The following RPTOR variants were observed in gnomAD, a reference collection of about 807,000 sequenced individuals.
RPTOR encodes the protein regulatory-associated protein of mTOR.
Under a neutral mutation model 169.9 loss-of-function variants are expected in RPTOR, and 21 were observed. The observed-to-expected ratio is 0.12, with a 90% confidence interval of 0.09 to 0.18. RPTOR has a LOEUF of 0.18. Ranked by LOEUF, RPTOR falls within the 10% of genes least tolerant of loss-of-function variation. RPTOR has a pLI of 1.00. For synonymous variants in RPTOR, 732 were observed against 753.2 expected (o/e 0.97, Z 0.46); for missense variants, 1,133 against 1,855.9 (o/e 0.61, Z 7.16).
Position 80,820,683 on chromosome 17 carries a change from A to T in RPTOR, c.891-1518A>T, listed in dbSNP as rs577615893. On this transcript the variant is annotated intron_variant, in intron 7 of 33. Coordinates refer to ENST00000306801, the MANE Select transcript of RPTOR (RefSeq NM_020761.3). The surrounding 1 kb of genome is among the most constrained non-coding windows in gnomAD (Gnocchi z 4.1). ...GCCATTCCTCCTGCGCACAGTGGAC[A>T]TGCTTGTTCTGAAGCGAGAGCAGAC... Among the ~76,000 whole-genome samples the T allele has an allele frequency of 1.3e-5, 2 of 152,172 alleles. No homozygotes were observed. Among genetic ancestry groups the T allele is most frequent in the East Asian group, 3.8e-4 (2 of 5,196 alleles).
Position 80,945,740 on chromosome 17 carries a change from C to T in RPTOR, c.3099C>T (p.Pro1033=), listed in dbSNP as rs768458602. The T allele has an allele frequency of 6.2e-7, 1 of 1,612,042 alleles. No homozygotes were observed. The highest frequency in any genetic ancestry group is 1.1e-5 in the South Asian group (1 of 90,764). ...PGVPSVVKFH[P]FTPCIAVADK... Reference sequence around the variant, plus strand: ...TCCCCTCTGTGGTGAAATTCCACCCCTTCACGCCGTGCATCGCCGTAGCCG... The same window carrying T: ...TCCCCTCTGTGGTGAAATTCCACCCTTTCACGCCGTGCATCGCCGTAGCCG... Residue 1033 remains proline (P), a synonymous_variant, in exon 26 of 34, where the codon CCC becomes CCT. Coordinates refer to ENST00000306801, the MANE Select transcript of RPTOR (RefSeq NM_020761.3).
At chr17:80,900,197 G>A (rs904305045) in intron 20 of RPTOR, among the ~76,000 whole-genome samples, 1 of 152,128 alleles carries the variant, frequency 6.6e-6, no homozygotes, top group South Asian at 2.1e-4. Context: ...TCTCTCAGCC[G>A]GGCATCTGTG....
At chr17:80,889,146 G>A (rs760165745) in intron 17 of RPTOR, among the ~76,000 whole-genome samples, 57 of 152,370 alleles carry the variant, frequency 3.7e-4, no homozygotes, top group Admixed American at 7.2e-4. Context: ...CTTTGAATGC[G>A]GAGCTCACAG....
intron 1 of RPTOR, among the ~76,000 whole-genome samples, chr17:80,550,476 T>A (rs1331557171): frequency 6.6e-6 from 1 of 152,154 alleles, no homozygotes; most frequent in Non-Finnish European, 1.5e-5. Flanking sequence ...GCAGATCTCA[T>A]CGGGGCCCAT....
At chr17:80,841,458 C>T (rs2067655605) in intron 10 of RPTOR, among the ~76,000 whole-genome samples, 1 of 130,082 alleles carries the variant, frequency 7.7e-6, no homozygotes, top group Non-Finnish European at 1.6e-5. Flanking sequence ...AGCTCACTCT[C>T]ACCACACGGC....
rs576302779 is a variant in RPTOR at position 80,736,451 on chromosome 17, T to C, written c.654+5745T>C. ...CTTAACCGCCCCCCGCCCCTACCAA[T>C]GTGAAAACCTATACTTAAACTGATA... On this transcript the variant is annotated intron_variant, in intron 5 of 33. Transcript: ENST00000306801. Among the ~76,000 whole-genome samples the C allele has an allele frequency of 1.7e-4, 26 of 152,206 alleles. No homozygotes were observed. In the South Asian group the frequency reaches 5.2e-3, roughly 30 times the overall value.
At chr17:80,863,585 C>G (rs1165093559) in intron 13 of RPTOR, among the ~76,000 whole-genome samples, 1 of 152,182 alleles carries the variant, frequency 6.6e-6, no homozygotes, top group Non-Finnish European at 1.5e-5. Flanking sequence ...AAGAAATATA[C>G]TTGATGGGAT....
intron 29 of RPTOR, among the ~76,000 whole-genome samples, chr17:80,958,235 C>A (rs554327541): frequency 7.7e-4 from 108 of 140,604 alleles, no homozygotes; most frequent in African/African-American, 2.8e-3. Context: ...GGACTACAGG[C>A]ATGCACCCAC....
rs944187768 is a variant in RPTOR, at chr17:80,730,199, C to T, written c.508-361C>T. 1.3e-5 allele frequency among the ~76,000 whole-genome samples: 2 copies of T among 152,080 alleles called. No homozygotes were observed. Among genetic ancestry groups the T allele is most frequent in the South Asian group, 4.2e-4 (2 of 4,818 alleles). On this transcript the variant is annotated intron_variant, in intron 4 of 33. Coordinates refer to ENST00000306801, the MANE Select transcript of RPTOR (RefSeq NM_020761.3). The surrounding 1 kb of genome is among the most constrained non-coding windows in gnomAD (Gnocchi z 4.2). ...TTGGCTCACTGTAACCTTCGCCTCC[C>T]GGGTTCAGGTGATTCTCCTGCCTCA...
At chr17:80,908,254 T>C (rs1456680153) in intron 20 of RPTOR, among the ~76,000 whole-genome samples, 2 of 152,178 alleles carry the variant, frequency 1.3e-5, no homozygotes, top group Non-Finnish European at 2.9e-5. Flanking sequence ...GTTGGGTGAG[T>C]CGGGAGAGGC....
At chr17:80,872,109 G>T (rs149241635) in intron 13 of RPTOR, among the ~76,000 whole-genome samples, 2 of 152,330 alleles carry the variant, frequency 1.3e-5, no homozygotes, top group East Asian at 3.9e-4. Context: ...CATTGCTAGG[G>T]AGCACGTTTG....
At chr17:80,905,785 C>T (rs2068534706) in intron 20 of RPTOR, among the ~76,000 whole-genome samples, 1 of 152,206 alleles carries the variant, frequency 6.6e-6, no homozygotes, top group African/African-American at 2.4e-5. Flanking sequence ...CTGCACCCTC[C>T]TCGCAGTCTG....
At chr17:80,940,739 C>T in intron 25 of RPTOR, 138 bp downstream of exon 25, 2 of 638,122 alleles carry the variant, frequency 3.1e-6, no homozygotes, top group East Asian at 2.8e-5. Flanking sequence ...ACCCGCCCCG[C>T]ACCCCACCTC....
chr17:80,723,663 T>C (rs918820963), intron 4 of RPTOR, among the ~76,000 whole-genome samples: 20 of 151,376 alleles, frequency 1.3e-4, no homozygotes. Flanking sequence ...TGCTCGTTAC[T>C]ACTGGAGCAT....
At chr17:80,624,147 G>C (rs572820519) in intron 1 of RPTOR, among the ~76,000 whole-genome samples, 1 of 152,052 alleles carries the variant, frequency 6.6e-6, no homozygotes, top group Non-Finnish European at 1.5e-5. Context: ...AACTGTCATC[G>C]CTCCACTGAT....
At chr17:80,590,564 TGCG>T (rs1568322856) in intron 1 of RPTOR, among the ~76,000 whole-genome samples, 4 of 145,316 alleles carry the variant, frequency 2.8e-5, no homozygotes, top group Admixed American at 6.8e-5. Flanking sequence ...TATGCGCACA[TGCG>T]TGCACACAGT....
intron 3 of RPTOR, among the ~76,000 whole-genome samples, chr17:80,644,356 T>C (rs1039647303): frequency 2.0e-5 from 3 of 151,928 alleles, no homozygotes; most frequent in Non-Finnish European, 4.4e-5. Context: ...TTTGTTTGTT[T>C]GTTTAAAGAA....
chr17:80,588,453 G>A (rs181211511), intron 1 of RPTOR, among the ~76,000 whole-genome samples: 52 of 152,244 alleles, frequency 3.4e-4, no homozygotes, highest in African/African-American at 1.1e-3. Context: ...GAGCCACCAC[G>A]TCTGGCCTAT....
rs556500446 is a variant in RPTOR, at chr17:80,730,388, A to G, written c.508-172A>G. ...CCCAAAGTGCTGAGATTCAGGTGTG[A>G]GCCATTGCGCCTGGCCAGTTTGCTG... On this transcript the variant is annotated intron_variant, in intron 4 of 33. Coordinates refer to ENST00000306801, the MANE Select transcript of RPTOR (RefSeq NM_020761.3). This position sits in a 1 kb window ranked among gnomAD's most constrained non-coding sequence, Gnocchi z 4.2. 1.6e-4 allele frequency among the ~76,000 whole-genome samples: 25 copies of G among 152,126 alleles called. No individual in the cohort carries two copies. The highest frequency in any genetic ancestry group is 3.1e-4 in the Non-Finnish European group (21 of 68,042).
Sources: allele counts gnomAD v4.1 joint callset (sites outside exome capture counted in the v4.1 genomes callset), GRCh38; gene constraint gnomAD v4.1.1; non-coding constraint Gnocchi (gnomAD v3.1); transcripts MANE v1.5; gene names NCBI Gene and HGNC (gene_info 2026-07-23, HGNC 2026-07-21).